The following ZNF521 variants were observed in gnomAD, a reference collection of about 807,000 sequenced individuals.
ZNF521 encodes LYST-interacting protein 3.
Under a neutral mutation model 105.5 loss-of-function variants are expected in ZNF521, and 14 were observed. The observed-to-expected ratio is 0.13, with a 90% CI of 0.09 to 0.21. The LOEUF (loss-of-function observed/expected upper bound fraction) is 0.21, where lower values mean the gene tolerates loss of function less well. ZNF521 is among the 10% of genes least tolerant of loss of function. ZNF521 has a pLI of 1.00. For synonymous variants in ZNF521, 635 were observed against 606.0 expected (o/e 1.05, Z -0.70); for missense variants, 1,233 against 1,629.7 (o/e 0.76, Z 4.19).
At chr18:25,261,376 T>G (rs1374125481) in intron 3 of ZNF521, among the ~76,000 whole-genome samples, 2 of 152,164 alleles carry the variant, frequency 1.3e-5, no homozygotes, top group African/African-American at 4.8e-5. Context: ...ACTGATTCCC[T>G]GCTCAATTTT....
intron 5 of ZNF521, among the ~76,000 whole-genome samples, chr18:25,120,638 G>A (rs1201425553): frequency 6.7e-6 from 1 of 148,970 alleles, no homozygotes; most frequent in African/African-American, 2.5e-5. Flanking sequence ...AAAAAACCTA[G>A]TAGGACTGGC....
rs528673801 is a variant in ZNF521, at chr18:25,267,377, G to A, written c.221-39680C>T. ...TTAGCAGACTTAAACGTCCCTGCCT[G>A]ATGGCTCAGAAGAGAGCAGCGGATC... On this transcript the variant is annotated intron_variant, in intron 3 of 7. Coordinates refer to ENST00000361524, the MANE Select transcript of ZNF521 (RefSeq NM_015461.3). Among the ~76,000 whole-genome samples, 3 of 152,342 alleles carry A rather than the reference G, an allele frequency of 2.0e-5. No homozygotes were observed. The East Asian group carries it at 5.8e-4, about 29-fold the overall frequency.
At chr18:25,086,296 T>C (rs1316490623) in intron 7 of ZNF521, among the ~76,000 whole-genome samples, 2 of 152,138 alleles carry the variant, frequency 1.3e-5, no homozygotes. Context: ...CCATTTTCTA[T>C]ACAGCAAATA....
At chr18:25,089,649 C>T in intron 6 of ZNF521, 69 bp from the exon 7 acceptor site, 1 of 1,270,648 alleles carries the variant, frequency 7.9e-7, no homozygotes, top group Non-Finnish European at 1.1e-6. Flanking sequence ...GATGACTCTG[C>T]ATGAACAGAC....
chr18:25,293,222 G>GA (rs1306912919), intron 3 of ZNF521, among the ~76,000 whole-genome samples: 1 of 152,018 alleles, frequency 6.6e-6, no homozygotes, highest in Non-Finnish European at 1.5e-5. Flanking sequence ...CACAATTAAA[G>GA]AAAACCCATA....
At chr18:25,175,459 T>C (rs747828554) in intron 5 of ZNF521, among the ~76,000 whole-genome samples, 2 of 152,206 alleles carry the variant, frequency 1.3e-5, no homozygotes, top group Non-Finnish European at 2.9e-5. Flanking sequence ...TCAAGCAAGG[T>C]TGGCTTATAT....
chr18:25,120,592 A>AC (rs71979698), intron 5 of ZNF521, among the ~76,000 whole-genome samples: 39,462 of 80,456 alleles, frequency 0.49, 6,307 homozygotes, highest in Non-Finnish European at 0.56. Context: ...TAAAAAAAAA[A>AC]AAAAAAAAAA....
At chr18:25,278,112 C>G (rs1386541598) in intron 3 of ZNF521, among the ~76,000 whole-genome samples, 3 of 152,174 alleles carry the variant, frequency 2.0e-5, no homozygotes, top group Non-Finnish European at 4.4e-5. Flanking sequence ...AATGGTGCCA[C>G]AGCAAAATAT....
At chr18:25,283,922 TCC>T (rs78019673) in intron 3 of ZNF521, among the ~76,000 whole-genome samples, 181 of 97,234 alleles carry the variant, frequency 1.9e-3, no homozygotes, top group African/African-American at 5.7e-3. Context: ...GCCAATACTT[TCC>T]CCCCCCCCCA....
chr18:25,298,349 A>G (rs1206964746), intron 3 of ZNF521, among the ~76,000 whole-genome samples: 1 of 152,192 alleles, frequency 6.6e-6, no homozygotes, highest in Non-Finnish European at 1.5e-5. Flanking sequence ...GATATATACT[A>G]CCTGTATTTC....
chr18:25,255,914 A>C (rs1908449530), intron 3 of ZNF521, among the ~76,000 whole-genome samples: 1 of 150,868 alleles, frequency 6.6e-6, no homozygotes, highest in Admixed American at 6.6e-5. Context: ...TGATGAATGA[A>C]TGGATAAATA....
intron 5 of ZNF521, among the ~76,000 whole-genome samples, chr18:25,113,952 AAC>A (rs2034252315): frequency 6.6e-6 from 1 of 151,762 alleles, no homozygotes; most frequent in South Asian, 2.1e-4. Flanking sequence ...TGATAAGGTA[AAC>A]AGTGTCCTGA....
Position 25,212,538 on chromosome 18 carries a change from AATATATATATATAT to A in ZNF521, c.3573+11793_3573+11806del, listed in dbSNP as rs1279194731. ...AAAAAAAAAAAAAAAAAAAAAAAAA[AATATATATATATAT>A]ATATATATATATATGTATAGAAACA... On this transcript the variant is annotated intron_variant, in intron 4 of 7. Transcript: ENST00000361524. Among the ~76,000 whole-genome samples, 265 of 48,132 alleles carry A rather than the reference AATATATATATATAT, an allele frequency of 5.5e-3. 3 individuals are homozygous for A. The highest frequency in any genetic ancestry group is 0.022 in the South Asian group (22 of 982). The allele number at this position is 48,132 out of a possible 152,430, so 31.6% of individuals were successfully genotyped here.
chr18:25,307,849 C>T (rs1912066050), intron 3 of ZNF521, among the ~76,000 whole-genome samples: 1 of 151,966 alleles, frequency 6.6e-6, no homozygotes, highest in Non-Finnish European at 1.5e-5. Flanking sequence ...ACAGAAAGGC[C>T]CTTGCAGTGA....
intron 7 of ZNF521, among the ~76,000 whole-genome samples, chr18:25,086,014 C>T (rs1191388017): frequency 6.6e-6 from 1 of 151,994 alleles, no homozygotes; most frequent in African/African-American, 2.4e-5. Context: ...AGTTCTTAGA[C>T]ATTTAGTTTT....
intron 3 of ZNF521, among the ~76,000 whole-genome samples, chr18:25,240,389 C>T (rs1907227389): frequency 6.6e-6 from 1 of 152,054 alleles, no homozygotes; most frequent in Admixed American, 6.6e-5. Context: ...ACAACAAAAA[C>T]AACAACAAAA....
At chr18:25,171,755 T>C (rs77124495) in intron 5 of ZNF521, among the ~76,000 whole-genome samples, 2,196 of 152,176 alleles carry the variant, frequency 0.014, 60 homozygotes, top group African/African-American at 0.051. Flanking sequence ...TCAGAGTTAA[T>C]TCAATGATGC....
intron 2 of ZNF521, among the ~76,000 whole-genome samples, chr18:25,330,230 C>T (rs1913489231): frequency 6.6e-6 from 1 of 152,056 alleles, no homozygotes; most frequent in African/African-American, 2.4e-5. Flanking sequence ...GTGGTGCAAT[C>T]TCAGTTCACT....
chr18:25,171,096 G>GAA (rs1034886394), intron 5 of ZNF521, among the ~76,000 whole-genome samples: 3 of 152,072 alleles, frequency 2.0e-5, no homozygotes, highest in Admixed American at 2.0e-4. Context: ...TATGTAGACT[G>GAA]AAACATAAAA....
Sources: gnomAD v4.1 joint callset for allele counts (sites outside exome capture counted in the v4.1 genomes callset) on GRCh38, gnomAD v4.1.1 for gene constraint, MANE v1.5 for transcripts, NCBI Gene and HGNC (gene_info 2026-07-23, HGNC 2026-07-21) for gene names.